ANO3: variants seen among roughly 807,000 people sequenced by gnomAD.
The protein encoded by ANO3 is anoctamin-3.
ANO3 carries 99 observed loss-of-function variants against 144.8 expected under a neutral mutation model. The observed-to-expected ratio is 0.68, with a 90% CI of 0.58 to 0.81. ANO3 has a LOEUF of 0.81. ANO3 is among the 30% of genes least tolerant of loss of function. The pLI is 0.00. For synonymous variants in ANO3, 414 were observed against 392.6 expected (o/e 1.05, Z -0.64); for missense variants, 905 against 1,202.2 (o/e 0.75, Z 3.66).
intron 4 of ANO3, among the ~76,000 whole-genome samples, chr11:26,468,827 A>C (rs953285644): frequency 6.6e-6 from 1 of 151,962 alleles, no homozygotes. Flanking sequence ...TAAGAGAATA[A>C]ATTTTACTTC....
intron 1 of ANO3, among the ~76,000 whole-genome samples, chr11:26,425,633 A>G (rs1447851671): frequency 6.6e-6 from 1 of 152,128 alleles, no homozygotes; most frequent in Non-Finnish European, 1.5e-5. Flanking sequence ...GTAACTGCAA[A>G]ACAAAAGTTT....
At chr11:26,361,214 G>A (rs1282664341) in intron 1 of ANO3, among the ~76,000 whole-genome samples, 1 of 152,132 alleles carries the variant, frequency 6.6e-6, no homozygotes, top group Non-Finnish European at 1.5e-5. Flanking sequence ...AAGAATTCCG[G>A]TGCCTTGAGG....
chr11:26,307,939 A>G (rs905444517), upstream of ANO3, among the ~76,000 whole-genome samples: 1 of 151,736 alleles, frequency 6.6e-6, no homozygotes, highest in Non-Finnish European at 1.5e-5. Flanking sequence ...GTCTATTCTG[A>G]TTTTACACTT....
chr11:26,531,268 G>A lies in ANO3; in HGVS notation c.801G>A (p.Lys267=), dbSNP rs1452480619. ...CCCAAAACCCAATGGTTCTTGACAAGTCAGCTTTTCCAGACCTAGAGGAGT... is the reference window on the plus strand; with the variant it reads ...CCCAAAACCCAATGGTTCTTGACAAATCAGCTTTTCCAGACCTAGAGGAGT... ...WMAQNPMVLD[K]SAFPDLEESD... Residue 267 remains lysine, a synonymous_variant, in exon 8 of 27, where the codon AAG becomes AAA. Coordinates refer to ENST00000256737, the MANE Select transcript of ANO3 (RefSeq NM_031418.4). The A allele has an allele frequency of 6.2e-6, 10 of 1,613,970 alleles. No homozygotes were observed. In the African/African-American group the frequency reaches 1.1e-4, roughly 17 times the overall value.
intron 1 of ANO3, among the ~76,000 whole-genome samples, chr11:26,239,899 T>C (rs555198634): frequency 9.2e-5 from 14 of 152,354 alleles, no homozygotes; most frequent in Admixed American, 3.3e-4. Flanking sequence ...ATGGGAATTG[T>C]CGCTTTGCGA....
In ANO3 at chr11:26,390,401, TC is replaced by T. The variant is rs199901171; in HGVS notation, c.47-51515del. Among the ~76,000 whole-genome samples, 1,111 of 152,222 alleles carry T rather than the reference TC, an allele frequency of 7.3e-3. 19 individuals are homozygous for T. The highest frequency in any genetic ancestry group is 8.4e-3 in the Non-Finnish European group (573 of 67,998). ...AAGTACCTGTGCCCTTCTTCTCTTCTCCTCCATCTGACCCCCTCCCAAAAAA... is the reference window on the plus strand; with the variant it reads ...AAGTACCTGTGCCCTTCTTCTCTTCTCTCCATCTGACCCCCTCCCAAAAAA... On this transcript the variant is annotated intron_variant, in intron 1 of 26. Transcript: ENST00000256737.
chr11:26,651,454 T>G (rs1007918822), intron 24 of ANO3, among the ~76,000 whole-genome samples: 2 of 152,174 alleles, frequency 1.3e-5, no homozygotes, highest in East Asian at 1.9e-4. Context: ...CAACAGATTT[T>G]ATATAGAACC....
chr11:26,499,711 C>T (rs903561327), intron 4 of ANO3, among the ~76,000 whole-genome samples: 1 of 151,814 alleles, frequency 6.6e-6, no homozygotes, highest in Non-Finnish European at 1.5e-5. Context: ...TATTTATGAA[C>T]TGTAAATTCC....
intron 1 of ANO3, among the ~76,000 whole-genome samples, chr11:26,290,892 T>C (rs187554479): frequency 2.6e-5 from 4 of 152,326 alleles, no homozygotes; most frequent in Non-Finnish European, 5.9e-5. Context: ...TTCTGTTGAT[T>C]TGGAGTGAAG....
At chr11:26,270,463 T>C (rs1853415177) in intron 1 of ANO3, among the ~76,000 whole-genome samples, 1 of 152,198 alleles carries the variant, frequency 6.6e-6, no homozygotes, top group African/African-American at 2.4e-5. Flanking sequence ...ACATTTTGCT[T>C]GTGTACATAC....
At chr11:26,524,428 G>C (rs924896439) in intron 6 of ANO3, among the ~76,000 whole-genome samples, 1 of 152,036 alleles carries the variant, frequency 6.6e-6, no homozygotes, top group Non-Finnish European at 1.5e-5. Flanking sequence ...AATGAAATAT[G>C]GTATCTCCAA....
chr11:26,194,448 G>GTGTGTGTA (rs71047838), intron 1 of ANO3, among the ~76,000 whole-genome samples: 25,593 of 136,510 alleles, frequency 0.19, 3,066 homozygotes, highest in Non-Finnish European at 0.23. Flanking sequence ...TGGTGTGTGT[G>GTGTGTGTA]TGTGTGTGTG....
chr11:26,320,856 A>G (rs1035377265), intron 1 of ANO3, among the ~76,000 whole-genome samples: 1 of 152,088 alleles, frequency 6.6e-6, no homozygotes, highest in African/African-American at 2.4e-5. Flanking sequence ...ATTTCTACCA[A>G]TGTACATATC....
chr11:26,431,301 A>G (rs944296548), intron 1 of ANO3, among the ~76,000 whole-genome samples: 2 of 152,256 alleles, frequency 1.3e-5, no homozygotes, highest in Admixed American at 1.3e-4. Context: ...TATAATGGAT[A>G]ACAGGAGTAC....
At chr11:26,377,052 G>T (rs1856433074) in intron 1 of ANO3, among the ~76,000 whole-genome samples, 1 of 152,094 alleles carries the variant, frequency 6.6e-6, no homozygotes, top group Non-Finnish European at 1.5e-5. Context: ...CTCAAAGGAA[G>T]AATGCATTTA....
At chr11:26,592,947 C>G (rs1851495576) in intron 14 of ANO3, among the ~76,000 whole-genome samples, 1 of 152,040 alleles carries the variant, frequency 6.6e-6, no homozygotes, top group African/African-American at 2.4e-5. Context: ...GGGGATTACT[C>G]CATATGAGGG....
chr11:26,405,551 G>T (rs541233322), intron 1 of ANO3, among the ~76,000 whole-genome samples: 1 of 151,876 alleles, frequency 6.6e-6, no homozygotes, highest in East Asian at 1.9e-4. Context: ...TAACCTATTA[G>T]GTGATTAAGA....
At chr11:26,628,778 G>A (rs1442896698) in intron 18 of ANO3, among the ~76,000 whole-genome samples, 2 of 152,096 alleles carry the variant, frequency 1.3e-5, no homozygotes, top group Non-Finnish European at 2.9e-5. Context: ...GGTCCATATG[G>A]TATCTGCTGG....
chr11:26,337,906 G>C (rs1387890180), intron 1 of ANO3, among the ~76,000 whole-genome samples: 5 of 152,044 alleles, frequency 3.3e-5, no homozygotes, highest in African/African-American at 9.7e-5. Flanking sequence ...CTGCACTTCA[G>C]CCTGAGTGAT....
Sources: allele counts gnomAD v4.1 joint callset (sites outside exome capture counted in the v4.1 genomes callset), GRCh38; gene constraint gnomAD v4.1.1; transcripts MANE v1.5; gene names NCBI Gene and HGNC (gene_info 2026-07-23, HGNC 2026-07-21).